Variants in GRIK2 observed in about 807,000 individuals in gnomAD.
GRIK2 encodes the protein glutamate receptor ionotropic, kainate 2.
A neutral mutation model predicts 100.3 loss-of-function variants in GRIK2; 32 were observed. The ratio of observed to expected loss-of-function variants is 0.32; its 90% CI spans 0.24 to 0.43. The LOEUF (loss-of-function observed/expected upper bound fraction) is 0.43, where lower values mean the gene tolerates loss of function less well. Ranked by LOEUF, GRIK2 falls within the 20% of genes least tolerant of loss-of-function variation. The pLI, the probability that GRIK2 is intolerant of heterozygous loss-of-function variation, is 1.00. For missense variants in GRIK2, 843 were observed against 1,114.9 expected, an observed-to-expected ratio of 0.76 and a Z score of 3.47; for synonymous variants, 417 against 389.4, an observed-to-expected ratio of 1.07 and a Z score of -0.83.
chr6:101,979,479 A>G (rs951516888), intron 14 of GRIK2, among the ~76,000 whole-genome samples: 5 of 151,994 alleles, frequency 3.3e-5, no homozygotes, highest in Admixed American at 3.3e-4. Context: ...GAAGAGATTG[A>G]GCATGAAAGG....
At chr6:101,645,077 C>T (rs1781456436) in intron 4 of GRIK2, among the ~76,000 whole-genome samples, 1 of 150,464 alleles carries the variant, frequency 6.6e-6, no homozygotes, top group Non-Finnish European at 1.5e-5. Context: ...GCCCCTGAGA[C>T]ATGTAAACAT....
At chr6:101,952,654 G>A (rs1269025407) in intron 14 of GRIK2, among the ~76,000 whole-genome samples, 1 of 151,290 alleles carries the variant, frequency 6.6e-6, no homozygotes, top group East Asian at 1.9e-4. Context: ...TCAGGCTGGA[G>A]TGCAGTGGCA....
At chr6:101,692,420 A>T (rs1772177259) in intron 7 of GRIK2, among the ~76,000 whole-genome samples, 1 of 152,120 alleles carries the variant, frequency 6.6e-6, no homozygotes, top group Non-Finnish European at 1.5e-5. Flanking sequence ...AGCACACAGG[A>T]TTTGATACCA....
At chr6:101,646,172 G>A (rs1781516995) in intron 4 of GRIK2, among the ~76,000 whole-genome samples, 1 of 151,894 alleles carries the variant, frequency 6.6e-6, no homozygotes, top group African/African-American at 2.4e-5. Context: ...CTGGATCAGG[G>A]CATGGCTTGT....
At position 102,016,549 on chromosome 6, in the gene GRIK2, T is replaced by A. The variant is rs1286596952; in HGVS notation, c.2086-18792T>A. ...TATAATAATAATAATACAAAAAAAA[T>A]AAATAAAAAAATTCAAAAAAAATTT... is the stretch of plus-strand genomic sequence containing the variant. On this transcript the variant is annotated intron_variant, in intron 14 of 16. Transcript: ENST00000369134. 1.6e-4 allele frequency among the ~76,000 whole-genome samples: 23 copies of A among 144,984 alleles called. No homozygotes were observed. The South Asian group carries it at 3.5e-3, about 22-fold the overall frequency.
At chr6:102,034,485 A>G (rs546762874) in intron 14 of GRIK2, among the ~76,000 whole-genome samples, 22 of 151,538 alleles carry the variant, frequency 1.5e-4, no homozygotes, top group African/African-American at 5.3e-4. Flanking sequence ...TTTGTATAAT[A>G]TAATAATTAA....
At chr6:101,500,619 C>T (rs146366591) in intron 2 of GRIK2, among the ~76,000 whole-genome samples, 358 of 152,106 alleles carry the variant, frequency 2.4e-3, no homozygotes, top group Middle Eastern at 6.8e-3. Flanking sequence ...AAAGCGTGAA[C>T]TTGTTTTTTC....
chr6:101,838,386 G>C (rs2128432724), intron 10 of GRIK2, among the ~76,000 whole-genome samples: 1 of 152,192 alleles, frequency 6.6e-6, no homozygotes, highest in East Asian at 1.9e-4. Context: ...AACCCACCAA[G>C]ATTCCTTAAT....
At chr6:101,598,469 G>A (rs528688538) in intron 2 of GRIK2, among the ~76,000 whole-genome samples, 1 of 150,200 alleles carries the variant, frequency 6.7e-6, no homozygotes, top group South Asian at 2.1e-4. Flanking sequence ...ATTTTTATTT[G>A]TTTTTTTGCA....
chr6:101,688,451 G>T (rs1771863950), intron 7 of GRIK2, among the ~76,000 whole-genome samples: 1 of 151,894 alleles, frequency 6.6e-6, no homozygotes, highest in Admixed American at 6.6e-5. Flanking sequence ...ACTATTGAAA[G>T]ACAGATAAGT....
intron 2 of GRIK2, among the ~76,000 whole-genome samples, chr6:101,614,693 A>G (rs981702137): frequency 2.0e-5 from 3 of 151,762 alleles, no homozygotes; most frequent in Non-Finnish European, 4.4e-5. Flanking sequence ...AGGAAATAAG[A>G]TTGGTATAAC....
At chr6:101,773,454 T>C (rs550172187) in intron 7 of GRIK2, among the ~76,000 whole-genome samples, 1 of 131,832 alleles carries the variant, frequency 7.6e-6, no homozygotes, top group South Asian at 2.4e-4. Context: ...CACTCCAGCC[T>C]GGCAACAGAG....
chr6:101,914,475 T>G (rs2039857), intron 12 of GRIK2, among the ~76,000 whole-genome samples: 3,066 of 151,576 alleles, frequency 0.02, 106 homozygotes, highest in African/African-American at 0.071. Flanking sequence ...AAGGGGCTAT[T>G]CCAAGAAAAG....
intron 12 of GRIK2, among the ~76,000 whole-genome samples, chr6:101,900,963 A>AC (rs1442169618): frequency 6.6e-6 from 1 of 151,304 alleles, no homozygotes; most frequent in African/African-American, 2.4e-5. Context: ...AAATCTCTTG[A>AC]CCTTCTGACT....
intron 2 of GRIK2, among the ~76,000 whole-genome samples, chr6:101,449,305 A>T (rs56212482): frequency 6.6e-6 from 1 of 151,662 alleles, no homozygotes; most frequent in Non-Finnish European, 1.5e-5. Flanking sequence ...ATTATTCTGA[A>T]TTTTTAATTT....
chr6:101,938,049 C>T (rs908730691), intron 14 of GRIK2, among the ~76,000 whole-genome samples: 6 of 151,930 alleles, frequency 3.9e-5, no homozygotes, highest in African/African-American at 1.4e-4. Flanking sequence ...TTCCAAAAGC[C>T]ACATTATTCT....
At chr6:102,023,303 G>T (rs1375551116) in intron 14 of GRIK2, among the ~76,000 whole-genome samples, 1 of 151,252 alleles carries the variant, frequency 6.6e-6, no homozygotes, top group Non-Finnish European at 1.5e-5. Flanking sequence ...GACCTGAAAG[G>T]CTTGAACATG....
intron 2 of GRIK2, among the ~76,000 whole-genome samples, chr6:101,618,296 A>G (rs1299010067): frequency 6.6e-6 from 1 of 151,558 alleles, no homozygotes; most frequent in African/African-American, 2.4e-5. Context: ...TAGATGGAAA[A>G]CTATGGATTC....
At chr6:101,565,131 C>T (rs980813917) in intron 2 of GRIK2, among the ~76,000 whole-genome samples, 2 of 152,056 alleles carry the variant, frequency 1.3e-5, no homozygotes, top group Non-Finnish European at 2.9e-5. Context: ...CATTCCATTT[C>T]GGTCTGAAAC....
Sources: allele counts gnomAD v4.1 joint callset (sites outside exome capture counted in the v4.1 genomes callset), GRCh38; gene constraint gnomAD v4.1.1; transcripts MANE v1.5; gene names NCBI Gene and HGNC (gene_info 2026-07-23, HGNC 2026-07-21).